PIK3CB: variants seen among roughly 807,000 people sequenced by gnomAD.
PIK3CB encodes phosphatidylinositol-4,5-bisphosphate 3-kinase catalytic subunit beta, also known as phosphatidylinositol 4,5-bisphosphate 3-kinase catalytic subunit beta isoform.
Under a neutral mutation model 136.8 loss-of-function variants are expected in PIK3CB, and 39 were observed. That is an observed-to-expected ratio of 0.29 (90% confidence interval 0.22 to 0.37). PIK3CB has a LOEUF of 0.37. PIK3CB is among the 10% of genes least tolerant of loss of function. PIK3CB has a pLI of 1.00. For synonymous variants in PIK3CB, 428 were observed against 436.6 expected (o/e 0.98, Z 0.25); for missense variants, 868 against 1,275.4 (o/e 0.68, Z 4.87).
intron 1 of PIK3CB, among the ~76,000 whole-genome samples, chr3:138,809,134 C>T (rs552481593): frequency 1.1e-4 from 17 of 150,916 alleles, no homozygotes; most frequent in African/African-American, 3.2e-4. Flanking sequence ...AAAAATTAGC[C>T]GGGCATGGTG....
intron 1 of PIK3CB, among the ~76,000 whole-genome samples, chr3:138,797,950 C>T (rs528817765): frequency 1.4e-3 from 209 of 151,320 alleles, no homozygotes; most frequent in Non-Finnish European, 2.0e-3. Context: ...TAGACCCTGT[C>T]TCAAAAAAAA....
intron 5 of PIK3CB, among the ~76,000 whole-genome samples, chr3:138,740,508 T>TG (rs2045222040): frequency 1.3e-5 from 2 of 152,184 alleles, no homozygotes; most frequent in Non-Finnish European, 1.5e-5. Context: ...CAGGCTAGGA[T>TG]GCTAGGAATC....
intron 2 of PIK3CB, among the ~76,000 whole-genome samples, chr3:138,779,987 T>G: frequency 6.6e-6 from 1 of 152,168 alleles, no homozygotes; most frequent in Non-Finnish European, 1.5e-5. Flanking sequence ...AGACAGAGTC[T>G]CGCTCTGTTG....
chr3:138,793,272 G>A (rs981909129), intron 2 of PIK3CB, among the ~76,000 whole-genome samples: 2 of 152,182 alleles, frequency 1.3e-5, no homozygotes, highest in African/African-American at 4.8e-5. Context: ...AGATCTGAAA[G>A]ACAAGAATTT....
At position 138,694,925 on chromosome 3, in the gene PIK3CB, C is replaced by T. The variant is rs1217656563; in HGVS notation, c.1771-18G>A. On this transcript the variant is annotated intron_variant, in intron 13 of 23. Transcript: ENST00000674063. The stretch of plus-strand genomic sequence containing the variant: ...GCCTGAAGCTGTTTAAAAAATGAAA[C>T]TGGTTCAGAAATAATGGGGGACAAA... 6.3e-7 allele frequency: 1 copy of T among 1,590,798 alleles called. No homozygotes were observed. Among genetic ancestry groups the T allele is most frequent in the South Asian group, 1.2e-5 (1 of 86,722 alleles).
At chr3:138,792,268 CTT>C (rs548701853) in intron 2 of PIK3CB, among the ~76,000 whole-genome samples, 1 of 152,164 alleles carries the variant, frequency 6.6e-6, no homozygotes, top group Non-Finnish European at 1.5e-5. Flanking sequence ...CATGTACAGA[CTT>C]TTTTCTATTG....
chr3:138,687,491 G>T (rs2043919966), intron 16 of PIK3CB, among the ~76,000 whole-genome samples: 1 of 152,076 alleles, frequency 6.6e-6, no homozygotes, highest in Non-Finnish European at 1.5e-5. Context: ...TTGAGACAGG[G>T]TCTTGCTCTG....
At chr3:138,738,973 G>A (rs1246814610) in intron 5 of PIK3CB, among the ~76,000 whole-genome samples, 5 of 151,982 alleles carry the variant, frequency 3.3e-5, no homozygotes, top group Non-Finnish European at 5.9e-5. Context: ...TATTTTACTT[G>A]TTCTTCTGTG....
At chr3:138,771,498 G>A (rs544559467) in intron 2 of PIK3CB, among the ~76,000 whole-genome samples, 14 of 152,230 alleles carry the variant, frequency 9.2e-5, no homozygotes, top group African/African-American at 2.9e-4. Flanking sequence ...GATTACAGGC[G>A]TAAGCCACCC....
chr3:138,787,169 T>C (rs1402092827), intron 2 of PIK3CB, among the ~76,000 whole-genome samples: 1 of 152,172 alleles, frequency 6.6e-6, no homozygotes, highest in East Asian at 1.9e-4. Context: ...AAGTTTAAAC[T>C]ATACCACTCT....
In PIK3CB at chr3:138,812,268, C is replaced by T. The variant is rs773645475; in HGVS notation, c.-121-15701G>A. Among the ~76,000 whole-genome samples, 7 of 150,488 alleles carry T rather than the reference C, an allele frequency of 4.7e-5. No individual in the cohort carries two copies. In the East Asian group the frequency reaches 5.8e-4, roughly 13 times the overall value. Reference sequence around the variant, plus strand: ...TTTTTTTTTTGGGGGGACAGAGTCTCGCTGTCACCCAGGCTGGAGTGCAAA... The same window carrying T: ...TTTTTTTTTTGGGGGGACAGAGTCTTGCTGTCACCCAGGCTGGAGTGCAAA... On this transcript the variant is annotated intron_variant, in intron 1 of 23. Transcript: ENST00000674063.
rs1225768383 is a variant in PIK3CB, at chr3:138,734,602, G to C, written c.972+32C>G. 4 of 1,510,084 alleles carry C rather than the reference G, an allele frequency of 2.6e-6. No homozygotes were observed. The African/African-American group carries it at 4.1e-5, about 16-fold the overall frequency. 93.5% of individuals were successfully genotyped at this position (1,510,084 alleles called of 1,614,324 possible). A position where few individuals can be genotyped will look rare whatever the true frequency, so the allele number is the denominator to read the frequency against. ...AAACTAACACAATCACATGGCTTTT[G>C]GGGTTACTAAAGGTTCAGAAATAAA... On this transcript the variant is annotated intron_variant, in intron 7 of 23. Coordinates refer to ENST00000674063, the MANE Select transcript of PIK3CB (RefSeq NM_006219.3).
intron 1 of PIK3CB, among the ~76,000 whole-genome samples, chr3:138,822,756 G>A (rs915092945): frequency 4.6e-5 from 7 of 150,630 alleles, no homozygotes; most frequent in East Asian, 2.0e-4. Flanking sequence ...CAGGAGAATC[G>A]GCTTGAACTC....
intron 19 of PIK3CB, among the ~76,000 whole-genome samples, chr3:138,668,510 T>C (rs2043460783): frequency 6.6e-6 from 1 of 152,176 alleles, no homozygotes; most frequent in Admixed American, 6.5e-5. Context: ...AGGCCAAGAC[T>C]ACAATTTCAG....
At chr3:138,755,302 C>T (rs557269034) in intron 4 of PIK3CB, among the ~76,000 whole-genome samples, 34 of 152,078 alleles carry the variant, frequency 2.2e-4, no homozygotes, top group Admixed American at 1.2e-3. Context: ...GGTAAAGCAA[C>T]AACTTTTTTC....
chr3:138,827,815 T>TA (rs1351183221), intron 1 of PIK3CB, among the ~76,000 whole-genome samples: 16 of 141,078 alleles, frequency 1.1e-4, no homozygotes, highest in African/African-American at 3.1e-4. Flanking sequence ...CTGTCTCTAC[T>TA]AAAAAAATAC....
At chr3:138,812,469 T>C (rs1231153661) in intron 1 of PIK3CB, among the ~76,000 whole-genome samples, 1 of 151,648 alleles carries the variant, frequency 6.6e-6, no homozygotes, top group African/African-American at 2.4e-5. Flanking sequence ...ACTCCTGATC[T>C]CGTGATCCGC....
At chr3:138,701,212 T>G (rs528789783) in intron 12 of PIK3CB, among the ~76,000 whole-genome samples, 184 of 148,274 alleles carry the variant, frequency 1.2e-3, no homozygotes, top group African/African-American at 4.3e-3. Flanking sequence ...TCATTAAAGA[T>G]TAAAAAAAAA....
intron 10 of PIK3CB, among the ~76,000 whole-genome samples, chr3:138,709,292 C>A (rs2044445341): frequency 6.8e-6 from 1 of 147,542 alleles, no homozygotes; most frequent in Admixed American, 7.0e-5. Context: ...CACAATTCTG[C>A]TTAAAAAAAA....
Sources: allele counts gnomAD v4.1 joint callset (sites outside exome capture counted in the v4.1 genomes callset), GRCh38; gene constraint gnomAD v4.1.1; transcripts MANE v1.5; gene names NCBI Gene and HGNC (gene_info 2026-07-23, HGNC 2026-07-21).